The following KIF6 variants were observed in gnomAD, a reference collection of about 807,000 sequenced individuals.
KIF6 encodes the protein kinesin family member 6.
A neutral mutation model predicts 112.7 loss-of-function variants in KIF6; 106 were observed. The ratio of observed to expected loss-of-function variants is 0.94; its 90% CI spans 0.80 to 1.11. The LOEUF is 1.11. Ranked by LOEUF, KIF6 falls within the 50% of genes least tolerant of loss-of-function variation. The pLI is 0.00. For missense variants in KIF6, 929 were observed against 964.0 expected (o/e 0.96, Z 0.48); for synonymous variants, 339 against 339.9 (o/e 1.00, Z 0.03).
intron 10 of KIF6, among the ~76,000 whole-genome samples, chr6:39,550,590 C>G (rs1327634899): frequency 6.6e-6 from 1 of 152,162 alleles, no homozygotes; most frequent in Non-Finnish European, 1.5e-5. Flanking sequence ...CAGAGCTTCC[C>G]TGTGGTAGAA....
At chr6:39,628,611 AT>A in intron 5 of KIF6, among the ~76,000 whole-genome samples, 1 of 152,068 alleles carries the variant, frequency 6.6e-6, no homozygotes, top group Non-Finnish European at 1.5e-5. Flanking sequence ...TTTACTCAAC[AT>A]ATTTCCCTGG....
At chr6:39,388,284 AT>A (rs3048044) in intron 15 of KIF6, among the ~76,000 whole-genome samples, 304 of 144,640 alleles carry the variant, frequency 2.1e-3, no homozygotes, top group East Asian at 5.3e-3. Context: ...CTAAGGAAGT[AT>A]TTTTTTTTTT....
At chr6:39,347,479 G>A (rs896041103) in intron 19 of KIF6, among the ~76,000 whole-genome samples, 6 of 152,336 alleles carry the variant, frequency 3.9e-5, no homozygotes, top group South Asian at 2.1e-4. Flanking sequence ...GTGAAGAGGC[G>A]CGTGGACACG....
chr6:39,635,781 G>T (rs1784595028), intron 4 of KIF6, among the ~76,000 whole-genome samples: 1 of 152,046 alleles, frequency 6.6e-6, no homozygotes, highest in African/African-American at 2.4e-5. Context: ...CAACTCTTGA[G>T]AAAGTTCAGT....
intron 9 of KIF6, among the ~76,000 whole-genome samples, chr6:39,579,639 C>A (rs1462329524): frequency 6.6e-6 from 1 of 152,012 alleles, no homozygotes; most frequent in African/African-American, 2.4e-5. Context: ...GAAAGAAAAT[C>A]TATCTTATCC....
intron 19 of KIF6, 47 bp from the exon 20 acceptor site, chr6:39,346,573 T>C: frequency 1.5e-6 from 1 of 673,790 alleles, no homozygotes; most frequent in Non-Finnish European, 2.7e-6. Context: ...GTCTATAGTA[T>C]TTTGTTATAG....
chr6:39,384,976 G>C (rs1457154460), intron 16 of KIF6, among the ~76,000 whole-genome samples: 1 of 152,212 alleles, frequency 6.6e-6, no homozygotes, highest in Non-Finnish European at 1.5e-5. Context: ...GGGCCTCTTA[G>C]AATATGACTG....
intron 5 of KIF6, among the ~76,000 whole-genome samples, chr6:39,620,826 T>A (rs1206366140): frequency 1.3e-5 from 2 of 152,090 alleles, no homozygotes; most frequent in Non-Finnish European, 2.9e-5. Flanking sequence ...TGAAGTGCAG[T>A]GGCACGATCT....
chr6:39,369,748 T>C (rs1463922222), intron 16 of KIF6, among the ~76,000 whole-genome samples: 2 of 152,182 alleles, frequency 1.3e-5, no homozygotes, highest in Non-Finnish European at 2.9e-5. Context: ...CCATACACCA[T>C]ACACAGGGAA....
intron 13 of KIF6, among the ~76,000 whole-genome samples, chr6:39,485,896 T>C (rs1775080933): frequency 6.6e-6 from 1 of 152,216 alleles, no homozygotes; most frequent in Admixed American, 6.5e-5. Context: ...ACAACATTTC[T>C]ATGAGGGAGA....
intron 13 of KIF6, among the ~76,000 whole-genome samples, chr6:39,470,570 T>C (rs780427606): frequency 2.0e-5 from 3 of 152,176 alleles, no homozygotes; most frequent in Admixed American, 6.5e-5. Flanking sequence ...GGTCCTTTCA[T>C]ACTCCCCGGG....
intron 13 of KIF6, among the ~76,000 whole-genome samples, chr6:39,523,209 C>T (rs1777496933): frequency 6.6e-6 from 1 of 152,018 alleles, no homozygotes. Flanking sequence ...AAATGTTTGT[C>T]TCATCTTTTC....
At chr6:39,644,118 T>C (rs1423862014) in intron 3 of KIF6, among the ~76,000 whole-genome samples, 1 of 150,206 alleles carries the variant, frequency 6.7e-6, no homozygotes, top group Admixed American at 6.7e-5. Context: ...CAAGTCAAAA[T>C]CACAATAAGA....
chr6:39,554,217 G>A (rs529864632), intron 10 of KIF6: 2 of 154,364 alleles, frequency 1.3e-5, no homozygotes, highest in African/African-American at 4.8e-5. Flanking sequence ...CTTGGCCTAT[G>A]TGACTCATGA....
At chr6:39,676,468 G>A (rs2113756530) in intron 3 of KIF6, among the ~76,000 whole-genome samples, 1 of 152,200 alleles carries the variant, frequency 6.6e-6, no homozygotes, top group African/African-American at 2.4e-5. Flanking sequence ...CAGGAAGAAG[G>A]AAACTGAAAC....
intron 19 of KIF6, among the ~76,000 whole-genome samples, chr6:39,348,890 C>G (rs995672586): frequency 6.6e-6 from 1 of 152,224 alleles, no homozygotes; most frequent in Non-Finnish European, 1.5e-5. Flanking sequence ...GGCCCTCGCT[C>G]TCTCACCCTG....
At chr6:39,706,604 A>T (rs929650349) in intron 3 of KIF6, among the ~76,000 whole-genome samples, 1 of 152,242 alleles carries the variant, frequency 6.6e-6, no homozygotes, top group Non-Finnish European at 1.5e-5. Context: ...AAGTCACAAA[A>T]GCCAGAAATG....
rs191592340 is a variant in KIF6 at position 39,704,790 on chromosome 6, T to A, written c.251+9902A>T. Among the ~76,000 whole-genome samples, 105 of 152,332 alleles carry A rather than the reference T, an allele frequency of 6.9e-4. 1 individual carries two copies. Among genetic ancestry groups the A allele is most frequent in the Non-Finnish European group, 1.3e-3 (86 of 68,028 alleles). ...CCAATTATATCTTTAGAGAAAATGT[T>A]CAGCTTTCTGAAAATAATCTGTTAA... On this transcript the variant is annotated intron_variant, in intron 3 of 22. Transcript: ENST00000287152.
At chr6:39,722,617 T>C (rs1790282652) in intron 1 of KIF6, among the ~76,000 whole-genome samples, 1 of 152,208 alleles carries the variant, frequency 6.6e-6, no homozygotes, top group South Asian at 2.1e-4. Context: ...GTAATGAAGC[T>C]ATAAAATGAA....
Sources: allele counts gnomAD v4.1 joint callset (sites outside exome capture counted in the v4.1 genomes callset), GRCh38; gene constraint gnomAD v4.1.1; transcripts MANE v1.5; gene names NCBI Gene and HGNC (gene_info 2026-07-23, HGNC 2026-07-21).